Variants in MAOA observed in about 807,000 individuals in gnomAD.
The protein encoded by MAOA is amine oxidase [flavin-containing] A.
Under a neutral mutation model 42.0 loss-of-function variants are expected in MAOA, and 6 were observed. The observed-to-expected ratio is 0.14, with a 90% CI of 0.08 to 0.28. The LOEUF is 0.28. MAOA is among the 10% of genes least tolerant of loss of function. MAOA has a pLI of 1.00. For missense variants in MAOA, 262 were observed against 422.3 expected, an observed-to-expected ratio of 0.62 and a Z score of 3.33; for synonymous variants, 140 against 154.0, an observed-to-expected ratio of 0.91 and a Z score of 0.67.
intron 8 of MAOA, 21 bp downstream of exon 8, chrX:43,731,874 T>C: frequency 8.5e-7 from 1 of 1,169,891 alleles, no homozygotes; most frequent in South Asian, 1.8e-5. Flanking sequence ...ATTATTCATG[T>C]TTAAACTGTA....
chrX:43,704,454 C>A (rs1392208110), intron 3 of MAOA, among the ~76,000 whole-genome samples: 2 of 110,942 alleles, frequency 1.8e-5, no homozygotes, highest in African/African-American at 6.5e-5. Context: ...TATGATAAAA[C>A]CACTAGAAAA....
intron 1 of MAOA, among the ~76,000 whole-genome samples, chrX:43,675,216 C>T (rs1297934548): frequency 1.8e-5 from 2 of 112,011 alleles, no homozygotes; most frequent in Admixed American, 1.9e-4. Context: ...GATACCCTTT[C>T]TTCCAGCTGA....
rs2033569177 is a variant in MAOA at position 43,695,310 on chromosome X, T to C, written c.306+1882T>C. On this transcript the variant is annotated intron_variant, in intron 3 of 14. Coordinates refer to ENST00000338702, the MANE Select transcript of MAOA (RefSeq NM_000240.4). The stretch of plus-strand genomic sequence containing the variant: ...ACCACTTTTTTTCCTACTTTCTTAC[T>C]CTTCTTCCAGTTTCATGTTCCTTTT... Among the ~76,000 whole-genome samples, 3 of 112,199 alleles carry C rather than the reference T, an allele frequency of 2.7e-5. No individual in the cohort carries two copies. In the Admixed American group the frequency reaches 2.8e-4, roughly 11 times the overall value.
intron 2 of MAOA, 79 bp from the exon 3 acceptor site, chrX:43,693,212 A>ACCCC: frequency 9.9e-7 from 1 of 1,012,122 alleles, no homozygotes; most frequent in Non-Finnish European, 1.4e-6. Flanking sequence ...TAAAAAAATA[A>ACCCC]ATGGGGTTAT....
intron 5 of MAOA, among the ~76,000 whole-genome samples, chrX:43,718,910 G>A (rs2033766861): frequency 9.0e-6 from 1 of 110,980 alleles, no homozygotes; most frequent in Admixed American, 9.6e-5. Flanking sequence ...CCAGAGGAGA[G>A]GGAGTAGACA....
intron 5 of MAOA, among the ~76,000 whole-genome samples, chrX:43,722,051 T>C: frequency 8.9e-6 from 1 of 111,992 alleles, no homozygotes; most frequent in Non-Finnish European, 1.9e-5. Context: ...TAGTATTCCA[T>C]GGTGTATATG....
intron 2 of MAOA, among the ~76,000 whole-genome samples, chrX:43,688,061 C>G (rs772772981): frequency 8.9e-6 from 1 of 111,962 alleles, no homozygotes; most frequent in Admixed American, 9.5e-5. Context: ...TTTCCCTGCT[C>G]AAGACCTTCC....
intron 5 of MAOA, among the ~76,000 whole-genome samples, chrX:43,715,468 C>T (rs1471268876): frequency 9.1e-6 from 1 of 109,956 alleles, no homozygotes; most frequent in African/African-American, 3.3e-5. Context: ...GGTGAGACAG[C>T]AAGGGTGGAT....
At chrX:43,710,704 G>C (rs914383853) in intron 3 of MAOA, among the ~76,000 whole-genome samples, 1 of 111,825 alleles carries the variant, frequency 8.9e-6, no homozygotes, top group Non-Finnish European at 1.9e-5. Flanking sequence ...ATTTCCTAGG[G>C]ACTCACCTCT....
rs1271014043 is a variant in MAOA at position 43,698,557 on chromosome X, G to A, written c.306+5129G>A. Reference sequence around the variant, plus strand: ...GTATTTACAGAGCAAAATCTACTCTGTACCAGATATTGTTCCAAGCTGCAG... The same window carrying A: ...GTATTTACAGAGCAAAATCTACTCTATACCAGATATTGTTCCAAGCTGCAG... On this transcript the variant is annotated intron_variant, in intron 3 of 14. Transcript: ENST00000338702. 2.7e-5 allele frequency among the ~76,000 whole-genome samples: 3 copies of A among 112,140 alleles called. No homozygotes were observed. The South Asian group carries it at 1.1e-3, about 41-fold the overall frequency.
chrX:43,680,953 A>G (rs778174713), intron 1 of MAOA, among the ~76,000 whole-genome samples: 2 of 111,618 alleles, frequency 1.8e-5, no homozygotes, highest in South Asian at 3.8e-4. Flanking sequence ...TATTATTATG[A>G]ACTCATGGAT....
intron 6 of MAOA, among the ~76,000 whole-genome samples, chrX:43,729,509 G>A (rs747639981): frequency 1.1e-4 from 12 of 112,097 alleles, no homozygotes; most frequent in Non-Finnish European, 1.5e-4. Flanking sequence ...GAAACAGTTC[G>A]TGGTCTTTCC....
chrX:43,726,339 A>C, intron 5 of MAOA, among the ~76,000 whole-genome samples: 1 of 111,838 alleles, frequency 8.9e-6, no homozygotes, highest in East Asian at 2.8e-4. Flanking sequence ...CTTTTCACAT[A>C]GTCCCGTATT....
rs755979311 is a variant in MAOA, at chrX:43,709,613, C to T, written c.307-2259C>T. Reference sequence around the variant, plus strand: ...TGCATTAGACTATTCCTTGACTATACGTACATTTTATGGAGGAAAATGTAG... The same window carrying T: ...TGCATTAGACTATTCCTTGACTATATGTACATTTTATGGAGGAAAATGTAG... On this transcript the variant is annotated intron_variant, in intron 3 of 14. Coordinates refer to ENST00000338702, the MANE Select transcript of MAOA (RefSeq NM_000240.4). Among the ~76,000 whole-genome samples, 14 of 111,035 alleles carry T rather than the reference C, an allele frequency of 1.3e-4. No homozygotes were observed. The South Asian group carries it at 4.2e-3, about 33-fold the overall frequency.
At chrX:43,709,975 A>G (rs112137436) in intron 3 of MAOA, among the ~76,000 whole-genome samples, 3,394 of 112,323 alleles carry the variant, frequency 0.03, 126 homozygotes, top group African/African-American at 0.1. Flanking sequence ...AAATGCCTCT[A>G]GAACAAACCT....
intron 3 of MAOA, among the ~76,000 whole-genome samples, chrX:43,709,592 T>C (rs1280274884): frequency 9.0e-6 from 1 of 111,115 alleles, no homozygotes; most frequent in Non-Finnish European, 1.9e-5. Context: ...CAGTTTTGCA[T>C]TAGACTATTC....
At chrX:43,672,767 A>G (rs2147075290) in intron 1 of MAOA, among the ~76,000 whole-genome samples, 1 of 111,277 alleles carries the variant, frequency 9.0e-6, no homozygotes, top group South Asian at 3.8e-4. Context: ...AGTATATTGA[A>G]CCAGCCTTGC....
At chrX:43,677,368 G>C (rs1386552162) in intron 1 of MAOA, among the ~76,000 whole-genome samples, 1 of 111,821 alleles carries the variant, frequency 8.9e-6, no homozygotes, top group African/African-American at 3.3e-5. Context: ...AGAACCTGAA[G>C]CTTGTTTTGA....
chrX:43,684,191 T>C (rs1477556143), intron 2 of MAOA, among the ~76,000 whole-genome samples: 3 of 111,938 alleles, frequency 2.7e-5, no homozygotes, highest in Admixed American at 9.6e-5. Flanking sequence ...TCTGGCTACA[T>C]GTAAGAAGGA....
Sources: allele counts gnomAD v4.1 joint callset (sites outside exome capture counted in the v4.1 genomes callset), GRCh38; gene constraint gnomAD v4.1.1; transcripts MANE v1.5; gene names NCBI Gene and HGNC (gene_info 2026-07-23, HGNC 2026-07-21).